The following GTF2H1 variants were observed in gnomAD, a reference collection of about 807,000 sequenced individuals.
The protein encoded by GTF2H1 is general transcription factor IIH subunit 1, also known as BTF2 p62.
Under a neutral mutation model 71.2 loss-of-function variants are expected in GTF2H1, and 16 were observed. That is an observed-to-expected ratio of 0.22 (90% CI 0.15 to 0.34). The LOEUF (loss-of-function observed/expected upper bound fraction) is 0.34, where lower values mean the gene tolerates loss of function less well. Ranked by LOEUF, GTF2H1 falls within the 10% of genes least tolerant of loss-of-function variation. GTF2H1 has a pLI of 1.00. For synonymous variants in GTF2H1, 215 were observed against 219.0 expected (o/e 0.98, Z 0.16); for missense variants, 498 against 648.2 (o/e 0.77, Z 2.52).
chr11:18,323,558 C>T lies in GTF2H1; in HGVS notation c.-16+818C>T, dbSNP rs4150539. ...CCATTTGAAGACCCAGTCTTAAAAA[C>T]AAAAACAAAAAAAAAACTGAGTGGT... is the stretch of plus-strand genomic sequence containing the variant. On this transcript the variant is annotated intron_variant, in intron 1 of 14. Transcript: ENST00000265963. Among the ~76,000 whole-genome samples, 1,302 of 149,102 alleles carry T rather than the reference C, an allele frequency of 8.7e-3. 23 individuals are homozygous for T. Among genetic ancestry groups the T allele is most frequent in the African/African-American group, 0.03 (1,184 of 40,082 alleles).
intron 9 of GTF2H1, among the ~76,000 whole-genome samples, chr11:18,350,321 G>A (rs1205480390): frequency 3.3e-5 from 5 of 152,172 alleles, no homozygotes; most frequent in African/African-American, 1.2e-4. Context: ...CTTGGGTAGG[G>A]ACATGTCATA....
chr11:18,356,016 T>C (rs1038674009), intron 11 of GTF2H1, among the ~76,000 whole-genome samples: 4 of 152,134 alleles, frequency 2.6e-5, no homozygotes, highest in Non-Finnish European at 5.9e-5. Flanking sequence ...AGATAGATGT[T>C]CCAGGCTTAT....
intron 14 of GTF2H1, 52 bp downstream of exon 14, chr11:18,360,759 T>C (rs1287475003): frequency 1.1e-5 from 10 of 944,178 alleles, no homozygotes; most frequent in Non-Finnish European, 1.6e-5. Flanking sequence ...TGTAGTAAAA[T>C]GATGAAATTG....
intron 7 of GTF2H1, among the ~76,000 whole-genome samples, chr11:18,344,976 T>A (rs969433099): frequency 1.3e-5 from 2 of 151,688 alleles, no homozygotes; most frequent in Non-Finnish European, 2.9e-5. Flanking sequence ...GAGGCTGAGG[T>A]GGGAGGATCG....
intron 1 of GTF2H1, among the ~76,000 whole-genome samples, chr11:18,325,268 C>G (rs549513978): frequency 1.6e-4 from 24 of 152,338 alleles, no homozygotes; most frequent in African/African-American, 5.5e-4. Context: ...TCATATTCTT[C>G]CTTATCACTG....
intron 1 of GTF2H1, among the ~76,000 whole-genome samples, chr11:18,328,745 G>T (rs941862226): frequency 4.0e-5 from 6 of 151,302 alleles, no homozygotes; most frequent in African/African-American, 7.3e-5. Context: ...AGAATCGCTT[G>T]AACCCGGGAG....
intron 13 of GTF2H1, among the ~76,000 whole-genome samples, chr11:18,359,361 C>T (rs1301325386): frequency 6.6e-6 from 1 of 152,132 alleles, no homozygotes; most frequent in Non-Finnish European, 1.5e-5. Context: ...GACAACATAG[C>T]AAGACTCTGT....
chr11:18,358,520 T>C lies in GTF2H1; in HGVS notation c.1352-5T>C, dbSNP rs1865619349. The C allele has an allele frequency of 2.6e-6, 4 of 1,545,420 alleles. No individual in the cohort carries two copies. Among genetic ancestry groups the C allele is most frequent in the African/African-American group, 2.7e-5 (2 of 73,558 alleles). On this transcript the variant is annotated splice_region_variant and splice_polypyrimidine_tract_variant and intron_variant, in intron 12 of 14. Transcript: ENST00000265963. ...TAACCTATGGGCCTTGTTCTTCTTT[T>C]GCAGAGATGGTGCCAAATGATATTC...
At chr11:18,323,314 A>G (rs879320221) in intron 1 of GTF2H1, among the ~76,000 whole-genome samples, 13 of 151,994 alleles carry the variant, frequency 8.6e-5, no homozygotes, top group Non-Finnish European at 1.6e-4. Context: ...TTTTTTTTTA[A>G]GAGACAGAGT....
At chr11:18,328,645 C>A (rs569791655) in intron 1 of GTF2H1, among the ~76,000 whole-genome samples, 1 of 151,684 alleles carries the variant, frequency 6.6e-6, no homozygotes, top group African/African-American at 2.4e-5. Context: ...GCTAACACGG[C>A]GAAACTCCAT....
chr11:18,364,159 C>T (rs990735054), intron 14 of GTF2H1, among the ~76,000 whole-genome samples: 3 of 152,070 alleles, frequency 2.0e-5, no homozygotes, highest in Non-Finnish European at 4.4e-5. Flanking sequence ...AATATAGATA[C>T]TGCTGCCCAT....
intron 1 of GTF2H1, chr11:18,332,518 A>T (rs1299684108): frequency 6.6e-6 from 1 of 152,308 alleles, no homozygotes; most frequent in Non-Finnish European, 1.5e-5. Context: ...TTTGAATGTT[A>T]AAAGATAAGA....
rs771051909 is a variant in GTF2H1 at position 18,358,510 on chromosome 11, GTTC to G, written c.1352-9_1352-7del. ...AAATAGCTCTTAACCTATGGGCCTT[GTTC>G]TTCTTTTGCAGAGATGGTGCCAAAT... On this transcript the variant is annotated splice_polypyrimidine_tract_variant and intron_variant, in intron 12 of 14. Coordinates refer to ENST00000265963, the MANE Select transcript of GTF2H1 (RefSeq NM_005316.4). The G allele has an allele frequency of 1.0e-5, 15 of 1,458,298 alleles. No homozygotes were observed. Among genetic ancestry groups the G allele is most frequent in the East Asian group, 4.5e-5 (2 of 44,086 alleles). 90.3% of individuals were successfully genotyped at this position (1,458,298 alleles called of 1,614,324 possible).
chr11:18,340,445 G>A (rs1007479450), intron 5 of GTF2H1, among the ~76,000 whole-genome samples: 4 of 152,016 alleles, frequency 2.6e-5, no homozygotes, highest in Non-Finnish European at 5.9e-5. Context: ...GTGCCACCAC[G>A]CCAAGCTACT....
At chr11:18,364,564 C>G (rs900492880) in intron 14 of GTF2H1, among the ~76,000 whole-genome samples, 1 of 152,098 alleles carries the variant, frequency 6.6e-6, no homozygotes, top group Non-Finnish European at 1.5e-5. Flanking sequence ...TGCACTCCAG[C>G]CTGGGCAACG....
At chr11:18,363,109 A>G (rs547321012) in intron 14 of GTF2H1, among the ~76,000 whole-genome samples, 33 of 152,118 alleles carry the variant, frequency 2.2e-4, no homozygotes, top group Non-Finnish European at 4.0e-4. Context: ...TCCCACTGAA[A>G]AGTCTTCAGG....
Position 18,335,862 on chromosome 11 carries a change from A to G in GTF2H1, c.263A>G (p.Glu88Gly). 6.2e-7 allele frequency: 1 copy of G among 1,614,132 alleles called. No individual in the cohort carries two copies. Among genetic ancestry groups the G allele is most frequent in the Non-Finnish European group, 8.5e-7 (1 of 1,179,940 alleles). ...HFSNESTAVKERDAVKDLLQQ... is the reference protein window; with the variant it reads ...HFSNESTAVKGRDAVKDLLQQ... ...TCCAATGAAAGCACAGCAGTGAAAG[A>G]GCGAGATGCAGTAAAAGACCTTCTT... is the stretch of plus-strand genomic sequence containing the variant. The change falls in exon 3 of 15, where the codon GAG (glutamate) becomes GGG (glycine). Residue 88 changes from glutamate to glycine, a missense_variant. By Grantham distance (98) the Glu-to-Gly change is moderately conservative. Transcript: ENST00000265963.
chr11:18,341,179 C>T, intron 5 of GTF2H1, 82 bp from the exon 6 acceptor site: 1 of 1,012,302 alleles, frequency 9.9e-7, no homozygotes, highest in East Asian at 2.5e-5. Flanking sequence ...CTAGATTTTG[C>T]TATTTGTATT....
chr11:18,360,667 C>T lies in GTF2H1; in HGVS notation c.1520C>T (p.Pro507Leu), dbSNP rs774941357. ...CGATTCCAAGTTACGAAGCTCTGTC[C>T]ATTCCAAGAAAAGATTCGGAGACAG... ...LERFQVTKLC[P>L]FQEKIRRQYL... The change falls in exon 14 of 15, where the codon CCA becomes CTA. Residue 507 changes from proline to leucine, a missense_variant. By Grantham distance (98) the Pro-to-Leu change is moderately conservative. This residue lies in a region of GTF2H1 where 266 missense variants were observed against 301.6 expected (regional missense o/e 0.88). Coordinates refer to ENST00000265963, the MANE Select transcript of GTF2H1 (RefSeq NM_005316.4). 4 of 1,573,946 alleles carry T rather than the reference C, an allele frequency of 2.5e-6. No homozygotes were observed. Among genetic ancestry groups the T allele is most frequent in the Non-Finnish European group, 3.4e-6 (4 of 1,164,388 alleles).
Sources: allele counts gnomAD v4.1 joint callset (sites outside exome capture counted in the v4.1 genomes callset), GRCh38; gene constraint gnomAD v4.1.1; regional missense constraint gnomAD v4.1.1; transcripts MANE v1.5; gene names NCBI Gene and HGNC (gene_info 2026-07-23, HGNC 2026-07-21).